Variants in SLC30A6 observed in about 807,000 individuals in gnomAD.
The protein encoded by SLC30A6 is solute carrier family 30 member 6.
A neutral mutation model predicts 63.0 loss-of-function variants in SLC30A6; 55 were observed. That is an observed-to-expected ratio of 0.87 (90% CI 0.70 to 1.09). The LOEUF (loss-of-function observed/expected upper bound fraction) is 1.09. SLC30A6 is among the 50% of genes least tolerant of loss of function. SLC30A6 has a pLI of 0.00. For missense variants in SLC30A6, 587 were observed against 549.2 expected (o/e 1.07, Z -0.69); for synonymous variants, 224 against 186.1 (o/e 1.20, Z -1.66).
chr2:32,212,337 ATCTG>A (rs1273980954), intron 13 of SLC30A6, among the ~76,000 whole-genome samples: 1 of 151,878 alleles, frequency 6.6e-6, no homozygotes, highest in Non-Finnish European at 1.5e-5. Flanking sequence ...ATGTAGTTTT[ATCTG>A]TCTGGTGATC....
chr2:32,177,918 T>C (rs914908950), intron 4 of SLC30A6, among the ~76,000 whole-genome samples: 2 of 151,784 alleles, frequency 1.3e-5, no homozygotes, highest in African/African-American at 4.8e-5. Context: ...CGTGAGCCAC[T>C]GTGCCCTTTG....
intron 13 of SLC30A6, among the ~76,000 whole-genome samples, chr2:32,219,215 G>A (rs1472450170): frequency 6.6e-6 from 1 of 151,664 alleles, no homozygotes; most frequent in Non-Finnish European, 1.5e-5. Flanking sequence ...TGTATTTTTA[G>A]TGGAGGTGGG....
chr2:32,175,615 T>G (rs1253154933), intron 4 of SLC30A6, among the ~76,000 whole-genome samples: 1 of 123,442 alleles, frequency 8.1e-6, no homozygotes, highest in Admixed American at 7.9e-5. Flanking sequence ...TAAAGGAAAG[T>G]AATCTACTAA....
chr2:32,189,130 T>C (rs1027209746), intron 5 of SLC30A6, among the ~76,000 whole-genome samples: 7 of 152,158 alleles, frequency 4.6e-5, no homozygotes, highest in Non-Finnish European at 7.4e-5. Context: ...ATGTGTATCT[T>C]TGAGTGGAAT....
At chr2:32,179,570 C>T (rs1488742288) in intron 4 of SLC30A6, among the ~76,000 whole-genome samples, 1 of 152,170 alleles carries the variant, frequency 6.6e-6, no homozygotes, top group East Asian at 1.9e-4. Context: ...TGAAACCGAT[C>T]CTGCTGGGTA....
At chr2:32,197,588 T>C in intron 9 of SLC30A6, 119 bp from the exon 10 acceptor site, 1 of 1,446,654 alleles carries the variant, frequency 6.9e-7, no homozygotes, top group Non-Finnish European at 9.4e-7. Flanking sequence ...ACAAATCCTC[T>C]TTGCTTTCTT....
At chr2:32,204,740 C>T (rs780805825) in intron 11 of SLC30A6, 48 bp downstream of exon 11, 5 of 1,154,722 alleles carry the variant, frequency 4.3e-6, no homozygotes, top group Non-Finnish European at 3.7e-6. Flanking sequence ...CCATGTTCTT[C>T]TACCAGATTA....
At chr2:32,182,663 G>A (rs528266945) in intron 4 of SLC30A6, among the ~76,000 whole-genome samples, 3 of 152,238 alleles carry the variant, frequency 2.0e-5, no homozygotes, top group Non-Finnish European at 2.9e-5. Flanking sequence ...GTAGGTCAGC[G>A]TTCCCTACTC....
chr2:32,188,774 A>G (rs991742687), intron 5 of SLC30A6, among the ~76,000 whole-genome samples: 2 of 152,216 alleles, frequency 1.3e-5, no homozygotes, highest in South Asian at 2.1e-4. Flanking sequence ...AGAAATGAAT[A>G]CATTTGTATA....
intron 10 of SLC30A6, among the ~76,000 whole-genome samples, chr2:32,199,622 T>C (rs896027097): frequency 5.9e-5 from 9 of 152,164 alleles, no homozygotes; most frequent in Non-Finnish European, 1.3e-4. Context: ...GTAACCCTGT[T>C]TTGCTATCAA....
intron 12 of SLC30A6, among the ~76,000 whole-genome samples, chr2:32,209,001 A>G (rs1685026913): frequency 6.6e-6 from 1 of 152,186 alleles, no homozygotes; most frequent in African/African-American, 2.4e-5. Context: ...GTCCTGTGCA[A>G]CTGTACCAGT....
intron 13 of SLC30A6, among the ~76,000 whole-genome samples, chr2:32,213,183 A>C (rs575099870): frequency 1.3e-5 from 2 of 152,030 alleles, no homozygotes; most frequent in African/African-American, 2.4e-5. Flanking sequence ...TTGGGATTAC[A>C]GGCACGAGCC....
chr2:32,222,027 T>G lies in SLC30A6; in HGVS notation c.*1314T>G, dbSNP rs941875801. 2 of 152,218 alleles carry G rather than the reference T, an allele frequency of 1.3e-5. No individual in the cohort carries two copies. Among genetic ancestry groups the G allele is most frequent in the Admixed American group, 6.5e-5 (1 of 15,274 alleles). 9.4% of individuals were successfully genotyped at this position (152,218 alleles called of 1,614,324 possible). ...CATATATAATTTTACCAAAGCATAA[T>G]GGACCTTAGATTATAGAATACAGCA... On this transcript the variant is annotated 3_prime_UTR_variant, in exon 14 of 14. Transcript: ENST00000282587.
chr2:32,194,637 A>C (rs1202562759), intron 8 of SLC30A6, among the ~76,000 whole-genome samples: 2 of 152,220 alleles, frequency 1.3e-5, no homozygotes, highest in Non-Finnish European at 2.9e-5. Flanking sequence ...ACAGACCCAC[A>C]CTTTGAAGTA....
At chr2:32,197,489 C>T in intron 9 of SLC30A6, 97 bp downstream of exon 9, 1 of 1,300,024 alleles carries the variant, frequency 7.7e-7, no homozygotes, top group South Asian at 1.2e-5. Context: ...GCTGAGGTTA[C>T]TACGTGAATC....
At chr2:32,179,300 G>C (rs1682075555) in intron 4 of SLC30A6, among the ~76,000 whole-genome samples, 2 of 152,120 alleles carry the variant, frequency 1.3e-5, no homozygotes, top group Non-Finnish European at 2.9e-5. Context: ...TTATGCTGCA[G>C]ATATATTCCT....
intron 5 of SLC30A6, among the ~76,000 whole-genome samples, chr2:32,186,053 G>A (rs1682783584): frequency 1.3e-5 from 2 of 151,862 alleles, no homozygotes; most frequent in African/African-American, 4.8e-5. Context: ...GTGTGTGTGT[G>A]TGTGACAGTT....
chr2:32,220,919 T>G lies in SLC30A6; in HGVS notation c.*206T>G. On this transcript the variant is annotated 3_prime_UTR_variant, in exon 14 of 14. Transcript: ENST00000282587. ...CCTCGTAAATGTTAAAGGCTTTAAA[T>G]AGGCTTCCTTTAGAAAATGTGTTTC... is the stretch of plus-strand genomic sequence containing the variant. 1.9e-6 allele frequency: 1 copy of G among 527,316 alleles called. No individual in the cohort carries two copies. Among genetic ancestry groups the G allele is most frequent in the Non-Finnish European group, 3.3e-6 (1 of 305,392 alleles). The allele number at this position is 527,316 out of a possible 1,614,324, so 32.7% of individuals were successfully genotyped here.
At chr2:32,192,450 C>T (rs368057670) in intron 6 of SLC30A6, 34 bp downstream of exon 6, 10 of 1,565,860 alleles carry the variant, frequency 6.4e-6, no homozygotes, top group Non-Finnish European at 7.9e-6. Flanking sequence ...CTAAATCCCC[C>T]CATGACACCT....
Sources: gnomAD v4.1 joint callset for allele counts (sites outside exome capture counted in the v4.1 genomes callset) on GRCh38, gnomAD v4.1.1 for gene constraint, MANE v1.5 for transcripts, NCBI Gene and HGNC (gene_info 2026-07-23, HGNC 2026-07-21) for gene names.